Variants in TTC6 observed in about 807,000 individuals in gnomAD.
TTC6 encodes tetratricopeptide repeat domain 6, also known as tetratricopeptide repeat protein 6.
A neutral mutation model predicts 210.4 loss-of-function variants in TTC6; 172 were observed. The observed-to-expected ratio is 0.82, with a 90% CI of 0.72 to 0.93. TTC6 has a LOEUF of 0.93. Among genes scored for constraint, TTC6 ranks in the 40% least tolerant of loss-of-function variants. The pLI, the probability that TTC6 is intolerant of heterozygous loss-of-function variation, is 0.00. For missense variants in TTC6, 2,414 were observed against 2,318.1 expected (o/e 1.04, Z -0.85); for synonymous variants, 804 against 819.6 (o/e 0.98, Z 0.32).
chr14:37,777,139 G>T (rs2096040172), intron 14 of TTC6, among the ~76,000 whole-genome samples: 1 of 152,050 alleles, frequency 6.6e-6, no homozygotes, highest in Non-Finnish European at 1.5e-5. Flanking sequence ...TTGAATGTTG[G>T]CCTTTCTAGC....
At chr14:37,732,227 G>A in intron 7 of TTC6, among the ~76,000 whole-genome samples, 1 of 125,410 alleles carries the variant, frequency 8.0e-6, no homozygotes, top group African/African-American at 3.0e-5. Flanking sequence ...CTGTCACCCA[G>A]GCTGGAGTGC....
intron 14 of TTC6, among the ~76,000 whole-genome samples, chr14:37,771,433 AG>A (rs1215524447): frequency 2.0e-5 from 3 of 152,284 alleles, no homozygotes; most frequent in African/African-American, 7.2e-5. Flanking sequence ...TGTCACTTTC[AG>A]GTACACCAAT....
chr14:37,817,530 C>A, intron 25 of TTC6, 48 bp from the exon 28 acceptor site: 1 of 1,557,344 alleles, frequency 6.4e-7, no homozygotes, highest in Non-Finnish European at 8.8e-7. Context: ...TAAGATAGCA[C>A]ATAAAATAAT....
At position 37,666,697 on chromosome 14, in the gene TTC6, C is replaced by G. The variant is rs180957561; in HGVS notation, c.940-13454C>G. Among the ~76,000 whole-genome samples, 395 of 150,174 alleles carry G rather than the reference C, an allele frequency of 2.6e-3. 15 individuals are homozygous for G. The highest frequency in any genetic ancestry group is 8.9e-3 in the African/African-American group (368 of 41,368). On this transcript the variant is annotated intron_variant, in intron 1 of 30. Coordinates refer to ENST00000553443, the Ensembl canonical transcript of TTC6. The stretch of plus-strand genomic sequence containing the variant: ...GTTTGCTCAATCTGTGAAATTTACC[C>G]CCTTTTTGTAATTTATTACACATAT...
chr14:37,714,717 C>T lies in TTC6; in HGVS notation c.1634C>T (p.Pro545Leu), dbSNP rs1257960862. 3.9e-5 allele frequency: 60 copies of T among 1,535,476 alleles called. No homozygotes were observed. The Admixed American group carries it at 8.0e-4, about 21-fold the overall frequency. The change falls in exon 6 of 31, where the codon CCG becomes CTG. Residue 545 changes from proline to leucine, a missense_variant. By Grantham distance (98) the Pro-to-Leu change is moderately conservative. Coordinates refer to ENST00000553443, the Ensembl canonical transcript of TTC6. Reference sequence around the variant, plus strand: ...GAATATGTCCATATTCCTCCGACACCGCAAGGGATACCACCTGAATTGGCA... The same window carrying T: ...GAATATGTCCATATTCCTCCGACACTGCAAGGGATACCACCTGAATTGGCA...
chr14:37,809,472 T>C (rs2096125404), intron 24 of TTC6, among the ~76,000 whole-genome samples: 1 of 151,974 alleles, frequency 6.6e-6, no homozygotes, highest in Non-Finnish European at 1.5e-5. Context: ...CAGAATGGTC[T>C]CAATCTCCTG....
intron 3 of TTC6, among the ~76,000 whole-genome samples, chr14:37,689,144 A>C (rs1378385586): frequency 6.6e-6 from 1 of 152,078 alleles, no homozygotes; most frequent in Non-Finnish European, 1.5e-5. Context: ...ATCAAGCAGA[A>C]ATTCTGGAGT....
At chr14:37,696,927 A>C in intron 4 of TTC6, 92 bp downstream of exon 6, 1 of 553,092 alleles carries the variant, frequency 1.8e-6, no homozygotes, top group Non-Finnish European at 2.8e-6. Flanking sequence ...AAGAAAACTA[A>C]ATGTTTTAGA....
chr14:37,687,606 T>C (rs1386789432), intron 3 of TTC6, among the ~76,000 whole-genome samples: 1 of 151,602 alleles, frequency 6.6e-6, no homozygotes, highest in Admixed American at 6.6e-5. Context: ...GATGGAAGAG[T>C]GGGGAAGACT....
intron 1 of TTC6, among the ~76,000 whole-genome samples, chr14:37,661,734 A>G (rs904695499): frequency 6.6e-6 from 1 of 152,182 alleles, no homozygotes; most frequent in Non-Finnish European, 1.5e-5. Flanking sequence ...TAATGGGAAT[A>G]GCATTAAATC....
At chr14:37,604,211 T>A (rs1236069095) in intron 1 of TTC6, among the ~76,000 whole-genome samples, 2 of 152,122 alleles carry the variant, frequency 1.3e-5, no homozygotes, top group East Asian at 1.9e-4. Flanking sequence ...AGTCTCAGTG[T>A]CCACCAGGAC....
chr14:37,715,138 C>A (rs2095850555), intron 6 of TTC6, among the ~76,000 whole-genome samples: 1 of 152,044 alleles, frequency 6.6e-6, no homozygotes, highest in African/African-American at 2.4e-5. Context: ...CCACTGCACT[C>A]CAGCCTGGGC....
Position 37,787,887 on chromosome 14 carries a change from G to GTC in TTC6, c.3436+252_3436+253dup, listed in dbSNP as rs918195083. Reference sequence around the variant, plus strand: ...TAATATGCCCTTTATGTGTGTGTGTGTCTGTGTGTGTGTGTGTGTGTGTGT... The same window carrying GTC: ...TAATATGCCCTTTATGTGTGTGTGTGTCTCTGTGTGTGTGTGTGTGTGTGTGT... On this transcript the variant is annotated intron_variant, in intron 15 of 30. Coordinates refer to ENST00000553443, the Ensembl canonical transcript of TTC6. Among the ~76,000 whole-genome samples the GTC allele has an allele frequency of 2.6e-3, 230 of 88,192 alleles. 1 individual carries two copies. Among genetic ancestry groups the GTC allele is most frequent in the African/African-American group, 0.01 (218 of 21,024 alleles). The allele number at this position is 88,192 out of a possible 152,430, so 57.9% of individuals were successfully genotyped here.
chr14:37,795,214 CAGAAAGGAAG>C (rs2096089731), intron 17 of TTC6, 46 bp from the exon 20 acceptor site: 27 of 1,227,330 alleles, frequency 2.2e-5, no homozygotes, highest in Non-Finnish European at 3.0e-5. Flanking sequence ...GGATAAATAT[CAGAAAGGAAG>C]CAATCGATGT....
At chr14:37,667,531 G>A (rs1307494653) in intron 1 of TTC6, among the ~76,000 whole-genome samples, 2 of 150,606 alleles carry the variant, frequency 1.3e-5, no homozygotes, top group Non-Finnish European at 3.0e-5. Flanking sequence ...TGAAAAGTCT[G>A]TCCTGTCAGA....
intron 26 of TTC6, among the ~76,000 whole-genome samples, chr14:37,819,429 C>T (rs1391676840): frequency 6.6e-6 from 1 of 152,002 alleles, no homozygotes; most frequent in African/African-American, 2.4e-5. Context: ...AGGCTTTGAT[C>T]TTTGATCTCG....
chr14:37,664,999 C>G (rs764707424), intron 1 of TTC6, among the ~76,000 whole-genome samples: 1 of 150,590 alleles, frequency 6.6e-6, no homozygotes, highest in Non-Finnish European at 1.5e-5. Context: ...CAAAAAACAA[C>G]AGTTGCTGGA....
At chr14:37,771,593 C>T (rs2096018992) in intron 14 of TTC6, among the ~76,000 whole-genome samples, 1 of 152,146 alleles carries the variant, frequency 6.6e-6, no homozygotes, top group South Asian at 2.1e-4. Context: ...CAGTTGATTG[C>T]ATTGGCTCCT....
At chr14:37,706,239 T>C (rs2095835304) in intron 5 of TTC6, among the ~76,000 whole-genome samples, 1 of 152,128 alleles carries the variant, frequency 6.6e-6, no homozygotes, top group African/African-American at 2.4e-5. Flanking sequence ...ACAGTCCTTG[T>C]CTTCTCAGTT....
Sources: gnomAD v4.1 joint callset for allele counts (sites outside exome capture counted in the v4.1 genomes callset) on GRCh38, gnomAD v4.1.1 for gene constraint, MANE v1.5 for transcripts, NCBI Gene and HGNC (gene_info 2026-07-23, HGNC 2026-07-21) for gene names.